The following A1CF variants were observed in gnomAD, a reference collection of about 807,000 sequenced individuals.
A1CF encodes APOBEC-1 stimulating protein.
A1CF carries 48 observed loss-of-function variants against 68.9 expected under a neutral mutation model. That is an observed-to-expected ratio of 0.70 (90% CI 0.55 to 0.89). The LOEUF (loss-of-function observed/expected upper bound fraction) is 0.89, where lower values mean the gene tolerates loss of function less well. Ranked by LOEUF, A1CF falls within the 40% of genes least tolerant of loss-of-function variation. A1CF has a pLI of 0.00. For missense variants in A1CF, 653 were observed against 718.9 expected (o/e 0.91, Z 1.05); for synonymous variants, 272 against 260.4 (o/e 1.04, Z -0.43).
chr10:50,832,696 A>G (rs1003683178), intron 6 of A1CF, among the ~76,000 whole-genome samples: 8 of 152,214 alleles, frequency 5.3e-5, no homozygotes, highest in African/African-American at 1.9e-4. Flanking sequence ...CAGTTTCCTT[A>G]TCTACAACCT....
At chr10:50,846,389 G>A (rs1362628925) in intron 3 of A1CF, among the ~76,000 whole-genome samples, 9 of 152,104 alleles carry the variant, frequency 5.9e-5, no homozygotes, top group African/African-American at 2.2e-4. Context: ...TACTCAACCT[G>A]AATTGCCAAA....
intron 5 of A1CF, among the ~76,000 whole-genome samples, chr10:50,839,948 G>A (rs997800230): frequency 3.3e-5 from 5 of 152,112 alleles, no homozygotes; most frequent in Non-Finnish European, 5.9e-5. Context: ...CTCCAGGTTG[G>A]TCAGGCTGGT....
chr10:50,859,129 A>T (rs1840619570), intron 3 of A1CF, among the ~76,000 whole-genome samples: 1 of 152,168 alleles, frequency 6.6e-6, no homozygotes, highest in African/African-American at 2.4e-5. Context: ...GAGAAATTAA[A>T]ATACTTTGTC....
At chr10:50,836,344 G>C in intron 5 of A1CF, 32 bp from the exon 6 acceptor site, 3 of 1,594,630 alleles carry the variant, frequency 1.9e-6, no homozygotes, top group Non-Finnish European at 2.6e-6. Flanking sequence ...TGATTGATGA[G>C]AATCCTTGTA....
chr10:50,856,331 G>A (rs1840476240), intron 3 of A1CF, among the ~76,000 whole-genome samples: 1 of 151,984 alleles, frequency 6.6e-6, no homozygotes, highest in African/African-American at 2.4e-5. Context: ...AATCAGGAGG[G>A]ATTCTTTAAT....
chr10:50,852,814 C>G (rs1840309307), intron 3 of A1CF, among the ~76,000 whole-genome samples: 1 of 152,090 alleles, frequency 6.6e-6, no homozygotes, highest in Admixed American at 6.6e-5. Context: ...ACCTGAGACC[C>G]TCAGGTTATT....
At chr10:50,872,096 G>T (rs972110858) in intron 1 of A1CF, among the ~76,000 whole-genome samples, 1 of 151,836 alleles carries the variant, frequency 6.6e-6, no homozygotes. Flanking sequence ...GAAATGAACT[G>T]TCAATTTAAA....
At position 50,810,944 on chromosome 10, in the gene A1CF, T is replaced by C. The variant is rs367589064; in HGVS notation, c.1460+96A>G. On this transcript the variant is annotated intron_variant, in intron 11 of 12. Transcript: ENST00000373997. ...CATTGAATGACAAATGAGTAGGTAG[T>C]AGACCTCAGTATCTTGTTTAGATGG... is the stretch of plus-strand genomic sequence containing the variant. 5 of 1,323,196 alleles carry C rather than the reference T, an allele frequency of 3.8e-6. No individual in the cohort carries two copies. The South Asian group carries it at 7.2e-5, about 19-fold the overall frequency. 82.0% of individuals were successfully genotyped at this position (1,323,196 alleles called of 1,614,324 possible).
At chr10:50,809,711 T>G (rs979550390) in intron 12 of A1CF, among the ~76,000 whole-genome samples, 183 bp downstream of exon 12, 8 of 152,218 alleles carry the variant, frequency 5.3e-5, no homozygotes, top group Non-Finnish European at 1.5e-5. Flanking sequence ...GCTGCCCAGC[T>G]TGATTTTCTT....
At chr10:50,821,756 C>T (rs1336919365) in intron 7 of A1CF, among the ~76,000 whole-genome samples, 1 of 151,948 alleles carries the variant, frequency 6.6e-6, no homozygotes, top group Non-Finnish European at 1.5e-5. Flanking sequence ...AGGCTGGTCT[C>T]GAACTCCCGA....
At chr10:50,862,519 TG>T (rs893480356) in intron 2 of A1CF, among the ~76,000 whole-genome samples, 1 of 152,218 alleles carries the variant, frequency 6.6e-6, no homozygotes, top group Admixed American at 6.5e-5. Context: ...GGTTCTTGCC[TG>T]CTGCTGACTC....
intron 3 of A1CF, among the ~76,000 whole-genome samples, chr10:50,844,376 CT>C (rs1564517119): frequency 1.3e-5 from 2 of 150,140 alleles, no homozygotes; most frequent in African/African-American, 4.9e-5. Flanking sequence ...TTTTTTTTTT[CT>C]TTTTTAATTT....
chr10:50,838,294 C>T (rs1839615874), intron 5 of A1CF, among the ~76,000 whole-genome samples: 1 of 152,052 alleles, frequency 6.6e-6, no homozygotes, highest in Non-Finnish European at 1.5e-5. Context: ...TGTGACAGGT[C>T]CATCTCAGTC....
In A1CF at chr10:50,807,672, G is replaced by A. The variant is rs571164723; in HGVS notation, c.1610-792C>T. Among the ~76,000 whole-genome samples the A allele has an allele frequency of 5.3e-4, 80 of 152,248 alleles. No homozygotes were observed. In the South Asian group the frequency reaches 0.017, roughly 32 times the overall value. ...CACTTTTGAAGAAGAGAGCATATTA[G>A]CTACTATCTAAAGCATTATTTCTCT... On this transcript the variant is annotated intron_variant, in intron 12 of 12. Coordinates refer to ENST00000373997, the MANE Select transcript of A1CF (RefSeq NM_014576.4).
chr10:50,841,251 C>A, intron 5 of A1CF, among the ~76,000 whole-genome samples: 1 of 152,174 alleles, frequency 6.6e-6, no homozygotes, highest in East Asian at 1.9e-4. Context: ...AACTGTATTG[C>A]TTTCAGTCCT....
intron 1 of A1CF, among the ~76,000 whole-genome samples, chr10:50,883,265 G>A (rs375310638): frequency 1.3e-5 from 2 of 152,110 alleles, no homozygotes; most frequent in Admixed American, 1.3e-4. Flanking sequence ...AAGTACCGGG[G>A]ACCACATTTC....
At chr10:50,828,780 T>C (rs1839094688) in intron 6 of A1CF, among the ~76,000 whole-genome samples, 1 of 152,174 alleles carries the variant, frequency 6.6e-6, no homozygotes, top group Non-Finnish European at 1.5e-5. Flanking sequence ...GTTCAAAAAA[T>C]GGTGTTTGGG....
At chr10:50,831,735 A>G (rs975145274) in intron 6 of A1CF, among the ~76,000 whole-genome samples, 22 of 152,344 alleles carry the variant, frequency 1.4e-4, no homozygotes, top group African/African-American at 5.1e-4. Context: ...TCTCAAAAAT[A>G]AAAAACAAAA....
intron 1 of A1CF, among the ~76,000 whole-genome samples, chr10:50,868,531 GT>G (rs1020930815): frequency 2.0e-5 from 3 of 151,946 alleles, no homozygotes; most frequent in African/African-American, 7.3e-5. Flanking sequence ...CAACATCTTA[GT>G]TTTTTAAAAC....
Sources: allele counts gnomAD v4.1 joint callset (sites outside exome capture counted in the v4.1 genomes callset), GRCh38; gene constraint gnomAD v4.1.1; transcripts MANE v1.5; gene names NCBI Gene and HGNC (gene_info 2026-07-23, HGNC 2026-07-21).